The following ATAD1 variants were observed in gnomAD, a reference collection of about 807,000 sequenced individuals.
ATAD1 encodes outer mitochondrial transmembrane helix translocase.
In ATAD1, 18 loss-of-function variants were observed where a neutral mutation model predicts 42.7. The ratio of observed to expected loss-of-function variants is 0.42; its 90% CI spans 0.29 to 0.63. The LOEUF (loss-of-function observed/expected upper bound fraction) is 0.63, where lower values mean the gene tolerates loss of function less well. Ranked by LOEUF, ATAD1 falls within the 20% of genes least tolerant of loss-of-function variation. The pLI is 0.19. For missense variants in ATAD1, 294 were observed against 440.4 expected (o/e 0.67, Z 2.98); for synonymous variants, 132 against 143.1 (o/e 0.92, Z 0.55).
At chr10:87,783,625 CTAA>C (rs1855675221) in intron 5 of ATAD1, among the ~76,000 whole-genome samples, 1 of 151,130 alleles carries the variant, frequency 6.6e-6, no homozygotes, top group Admixed American at 6.6e-5. Flanking sequence ...ATATCCAATA[CTAA>C]TAATACTGTA....
At chr10:87,819,011 G>A (rs1026078874), upstream of ATAD1, 1 of 152,118 alleles carries the variant, frequency 6.6e-6, no homozygotes, top group African/African-American at 2.4e-5. Context: ...CCTGAGATAC[G>A]AGAAGCATCA....
chr10:87,802,389 A>C (rs12773536), intron 2 of ATAD1, among the ~76,000 whole-genome samples: 47,649 of 152,022 alleles, frequency 0.31, 7,811 homozygotes, highest in African/African-American at 0.36. Flanking sequence ...CTTGGAATCA[A>C]GAGGAGAGGA....
chr10:87,814,525 T>C lies in ATAD1; in HGVS notation c.75A>G (p.Ile25Met), dbSNP rs1299960891. Residue 25 changes from isoleucine (I) to methionine (M), a missense_variant, in exon 2 of 10, where the codon ATA becomes ATG. Ile to Met is a conservative substitution (Grantham distance 10, BLOSUM62 1). Coordinates refer to ENST00000680024, the MANE Select transcript of ATAD1 (RefSeq NM_001321967.2). ...TAGTAAAGTATGTCACTGCACCAAATATTGTCAAACGGAAAATTAAACCAA... is the reference window on the plus strand; with the variant it reads ...TAGTAAAGTATGTCACTGCACCAAACATTGTCAAACGGAAAATTAAACCAA... ...EVVGLIFRLT[I>M]FGAVTYFTIK... 5 of 1,612,208 alleles carry C rather than the reference T, an allele frequency of 3.1e-6. No homozygotes were observed. The highest frequency in any genetic ancestry group is 4.2e-6 in the Non-Finnish European group (5 of 1,179,142).
intron 8 of ATAD1, among the ~76,000 whole-genome samples, chr10:87,759,994 G>C (rs946133488): frequency 1.3e-5 from 2 of 152,132 alleles, no homozygotes; most frequent in Non-Finnish European, 2.9e-5. Context: ...AAAAGCTTTT[G>C]AGTATAGGCA....
chr10:87,801,435 T>C (rs933117933), intron 2 of ATAD1, among the ~76,000 whole-genome samples: 3 of 152,196 alleles, frequency 2.0e-5, no homozygotes, highest in African/African-American at 4.8e-5. Context: ...ACAGGAAACA[T>C]TGTCATATAA....
At chr10:87,786,349 A>T (rs968156117) in intron 4 of ATAD1, among the ~76,000 whole-genome samples, 4 of 151,740 alleles carry the variant, frequency 2.6e-5, no homozygotes, top group Non-Finnish European at 4.4e-5. Flanking sequence ...CTTCATAAAC[A>T]TATTCAGAGA....
chr10:87,822,303 T>C (rs1052527948), upstream of ATAD1, among the ~76,000 whole-genome samples: 1 of 152,214 alleles, frequency 6.6e-6, no homozygotes, highest in Admixed American at 6.5e-5. Context: ...GTCTTCTGAA[T>C]CATATGAACC....
chr10:87,794,649 C>G (rs978597223), intron 2 of ATAD1, among the ~76,000 whole-genome samples: 1 of 152,124 alleles, frequency 6.6e-6, no homozygotes. Context: ...TTTCCCCATC[C>G]CAAATAATTA....
intron 2 of ATAD1, among the ~76,000 whole-genome samples, chr10:87,795,413 T>G (rs1856334896): frequency 6.6e-6 from 1 of 151,920 alleles, no homozygotes; most frequent in African/African-American, 2.4e-5. Context: ...ATGCATACTT[T>G]CTTGTTTACA....
rs55886446 is a variant in ATAD1, at chr10:87,760,556, G to A, written c.832-3634C>T. ...TAGTTCTTTATAGCGGTTTGAGAAC[G>A]GGCTAACACAGACCCCATCTCAACA... On this transcript the variant is annotated intron_variant, in intron 8 of 9. Coordinates refer to ENST00000680024, the MANE Select transcript of ATAD1 (RefSeq NM_001321967.2). Among the ~76,000 whole-genome samples, 439 of 152,176 alleles carry A rather than the reference G, an allele frequency of 2.9e-3. 1 individual carries two copies. Among genetic ancestry groups the A allele is most frequent in the African/African-American group, 9.8e-3 (408 of 41,492 alleles).
upstream of ATAD1, among the ~76,000 whole-genome samples, chr10:87,819,897 C>T (rs1857596248): frequency 6.6e-6 from 1 of 151,986 alleles, no homozygotes; most frequent in Non-Finnish European, 1.5e-5. Context: ...TGATTAAGTT[C>T]ATGGACAGGA....
intron 9 of ATAD1, among the ~76,000 whole-genome samples, chr10:87,755,268 G>T (rs566618516): frequency 3.9e-5 from 6 of 152,108 alleles, no homozygotes; most frequent in African/African-American, 1.4e-4. Context: ...TTTACAAATT[G>T]AGAGTAAAAT....
At chr10:87,814,768 G>A (rs1857340507) in intron 1 of ATAD1, 156 bp from the exon 2 acceptor site, 3 of 498,732 alleles carry the variant, frequency 6.0e-6, no homozygotes, top group Admixed American at 4.4e-5. Context: ...AAGGAGAAAT[G>A]GATTTTTAAA....
At position 87,754,666 on chromosome 10, in the gene ATAD1, C is replaced by A. The variant is rs1197876425; in HGVS notation, c.*21G>T. The A allele has an allele frequency of 6.2e-7, 1 of 1,607,532 alleles. No individual in the cohort carries two copies. The highest frequency in any genetic ancestry group is 8.5e-7 in the Non-Finnish European group (1 of 1,176,770). ...GGACACACCAAACTAGATCACTGAA[C>A]TGTACAAATGATCTTTACTCTTAAT... On this transcript the variant is annotated 3_prime_UTR_variant, in exon 10 of 10. Coordinates refer to ENST00000680024, the MANE Select transcript of ATAD1 (RefSeq NM_001321967.2).
chr10:87,772,906 TAAG>T (rs2131824590), intron 6 of ATAD1, among the ~76,000 whole-genome samples: 1 of 152,234 alleles, frequency 6.6e-6, no homozygotes, highest in African/African-American at 2.4e-5. Context: ...TTTTACTACT[TAAG>T]AAACAAAATC....
intron 3 of ATAD1, 123 bp downstream of exon 3, chr10:87,792,534 G>T: frequency 1.5e-6 from 1 of 673,814 alleles, no homozygotes; most frequent in Non-Finnish European, 2.5e-6. Flanking sequence ...ACTATATGCC[G>T]AGTCTTATGA....
At chr10:87,800,681 T>C (rs577536494) in intron 2 of ATAD1, among the ~76,000 whole-genome samples, 18 of 152,208 alleles carry the variant, frequency 1.2e-4, no homozygotes, top group Non-Finnish European at 2.4e-4. Flanking sequence ...ACCTGTGCCA[T>C]TGAGTTACAT....
At chr10:87,797,191 T>C (rs1365012982) in intron 2 of ATAD1, among the ~76,000 whole-genome samples, 5 of 152,204 alleles carry the variant, frequency 3.3e-5, no homozygotes, top group Non-Finnish European at 5.9e-5. Flanking sequence ...TTTTTGTTGT[T>C]TGTTTGTTCT....
At chr10:87,827,683 A>C (rs1016457891) in intron 1 of ATAD1, among the ~76,000 whole-genome samples, 3 of 152,166 alleles carry the variant, frequency 2.0e-5, no homozygotes, top group African/African-American at 7.2e-5. Flanking sequence ...TCTACCAACC[A>C]GTCATTCTCC....
Sources: gnomAD v4.1 joint callset for allele counts (sites outside exome capture counted in the v4.1 genomes callset) on GRCh38, gnomAD v4.1.1 for gene constraint, MANE v1.5 for transcripts, NCBI Gene and HGNC (gene_info 2026-07-23, HGNC 2026-07-21) for gene names.